The following PXDNL variants were observed in gnomAD, a reference collection of about 807,000 sequenced individuals.
PXDNL encodes peroxidasin like, also known as probable oxidoreductase PXDNL.
PXDNL carries 145 observed loss-of-function variants against 150.8 expected under a neutral mutation model. The observed-to-expected ratio is 0.96, with a 90% CI of 0.84 to 1.10. The LOEUF is 1.10. PXDNL is among the 50% of genes least tolerant of loss of function. The probability of loss-of-function intolerance (pLI) is 0.00; values close to 1 mark genes in which losing one functional copy is unlikely to be tolerated. For synonymous variants in PXDNL, 757 were observed against 725.7 expected, an observed-to-expected ratio of 1.04 and a Z score of -0.69; for missense variants, 2,087 against 1,873.9, an observed-to-expected ratio of 1.11 and a Z score of -2.10.
chr8:51,422,820 A>G (rs897959646), intron 14 of PXDNL, among the ~76,000 whole-genome samples: 3 of 152,140 alleles, frequency 2.0e-5, no homozygotes, highest in African/African-American at 7.2e-5. Flanking sequence ...CTTTCCTTCA[A>G]TGCCTCTCCG....
chr8:51,453,368 ACAGATTAGCTTTGAAAAT>A, intron 10 of PXDNL, 133 bp downstream of exon 10: 1 of 891,650 alleles, frequency 1.1e-6, no homozygotes, highest in Non-Finnish European at 1.7e-6. Flanking sequence ...TTAACTTGAA[ACAGATTAGCTTTGAAAAT>A]CTTATTGTGT....
intron 1 of PXDNL, among the ~76,000 whole-genome samples, chr8:51,675,449 T>C (rs1369945244): frequency 6.6e-6 from 1 of 152,074 alleles, no homozygotes. Context: ...CTACCAGCCC[T>C]TTGATCTCAG....
intron 17 of PXDNL, among the ~76,000 whole-genome samples, chr8:51,394,677 G>C (rs563579224): frequency 3.3e-5 from 5 of 152,232 alleles, no homozygotes; most frequent in East Asian, 3.9e-4. Flanking sequence ...AAGAACAACG[G>C]CCAGCCTGCA....
chr8:51,737,187 T>C (rs1394229915), intron 1 of PXDNL, among the ~76,000 whole-genome samples: 2 of 152,218 alleles, frequency 1.3e-5, no homozygotes, highest in Non-Finnish European at 2.9e-5. Context: ...ATTTCTCTCA[T>C]TTGAAAAAGA....
intron 12 of PXDNL, among the ~76,000 whole-genome samples, chr8:51,439,153 A>G (rs2129866010): frequency 6.6e-6 from 1 of 152,272 alleles, no homozygotes; most frequent in African/African-American, 2.4e-5. Context: ...ACAGAATAGA[A>G]GAAAATCTTT....
chr8:51,321,807 G>C (rs1180698121), intron 21 of PXDNL, among the ~76,000 whole-genome samples: 1 of 152,144 alleles, frequency 6.6e-6, no homozygotes, highest in African/African-American at 2.4e-5. Context: ...AGCAGTGTGA[G>C]AATGAACTAA....
At chr8:51,779,063 C>A (rs1398891824) in intron 1 of PXDNL, among the ~76,000 whole-genome samples, 2 of 152,052 alleles carry the variant, frequency 1.3e-5, no homozygotes, top group Non-Finnish European at 2.9e-5. Flanking sequence ...CCACTGATAA[C>A]CATAAACAAA....
At chr8:51,373,131 T>C (rs73579637) in intron 18 of PXDNL, among the ~76,000 whole-genome samples, 5,696 of 152,210 alleles carry the variant, frequency 0.037, 355 homozygotes, top group African/African-American at 0.13. Context: ...GGCCTTTACA[T>C]AGGTATTTAA....
At chr8:51,322,765 C>A (rs1227673762) in intron 21 of PXDNL, among the ~76,000 whole-genome samples, 1 of 152,170 alleles carries the variant, frequency 6.6e-6, no homozygotes, top group Admixed American at 6.5e-5. Flanking sequence ...AATTTTGATT[C>A]TGTAAATTCT....
In PXDNL at chr8:51,453,574, A is replaced by C; in HGVS notation, c.1194T>G (p.Cys398Trp). The part of the protein sequence containing the change: ...ITQRDHGRFT[C>W]HANNSHGTVQ... ...CAGTGCCGTGGCTATTGTTGGCATG[A>C]CAGGTAAATCGACCATGATCCCGTT... The change falls in exon 10 of 23, where the codon TGT becomes TGG. Residue 398 changes from cysteine to tryptophan, a missense_variant. Coordinates refer to ENST00000356297, the MANE Select transcript of PXDNL (RefSeq NM_144651.5). The C allele has an allele frequency of 1.2e-6, 2 of 1,614,044 alleles. No homozygotes were observed. Among genetic ancestry groups the C allele is most frequent in the Non-Finnish European group, 8.5e-7 (1 of 1,179,902 alleles).
At chr8:51,554,770 A>G (rs1331498432) in intron 4 of PXDNL, among the ~76,000 whole-genome samples, 2 of 152,164 alleles carry the variant, frequency 1.3e-5, no homozygotes, top group African/African-American at 4.8e-5. Context: ...CCAAGACCCC[A>G]TCAGAATTGC....
rs80056520 is a variant in PXDNL, at chr8:51,554,243, G to A, written c.380+2597C>T. On this transcript the variant is annotated intron_variant, in intron 4 of 22. Coordinates refer to ENST00000356297, the MANE Select transcript of PXDNL (RefSeq NM_144651.5). The stretch of plus-strand genomic sequence containing the variant: ...TGAGATGACCAAGGAGCACTGTTTG[G>A]GAATTTGGGGGGCAGAGACTTAAGG... Among the ~76,000 whole-genome samples the A allele has an allele frequency of 8.7e-3, 1,318 of 152,242 alleles. 39 individuals carry two copies. Among genetic ancestry groups the A allele is most frequent in the East Asian group, 0.078 (404 of 5,162 alleles).
chr8:51,543,804 C>G (rs538326315), intron 4 of PXDNL, among the ~76,000 whole-genome samples: 5 of 151,026 alleles, frequency 3.3e-5, no homozygotes, highest in Non-Finnish European at 7.4e-5. Context: ...AGGAACATGG[C>G]TAGAAGATAC....
intron 19 of PXDNL, among the ~76,000 whole-genome samples, chr8:51,360,728 C>T (rs187205310): frequency 1.7e-4 from 26 of 152,336 alleles, no homozygotes; most frequent in Middle Eastern, 3.4e-3. Flanking sequence ...TTGTGTCAAT[C>T]GCTAAGTTTT....
At chr8:51,745,007 AAAGG>A (rs1404357379) in intron 1 of PXDNL, among the ~76,000 whole-genome samples, 9 of 114,846 alleles carry the variant, frequency 7.8e-5, no homozygotes, top group African/African-American at 2.1e-4. Flanking sequence ...GGAGGGAAGA[AAAGG>A]AAGGAAGAAA....
intron 2 of PXDNL, among the ~76,000 whole-genome samples, chr8:51,637,887 G>T (rs1814642358): frequency 6.6e-6 from 1 of 152,112 alleles, no homozygotes; most frequent in Non-Finnish European, 1.5e-5. Context: ...GCAACTCCAA[G>T]ACATATAATT....
intron 22 of PXDNL, among the ~76,000 whole-genome samples, chr8:51,320,392 T>C (rs954849484): frequency 6.6e-6 from 1 of 152,218 alleles, no homozygotes; most frequent in Admixed American, 6.5e-5. Flanking sequence ...TGATAACACT[T>C]TTTTATTTTT....
At chr8:51,772,586 G>T (rs1010350021) in intron 1 of PXDNL, among the ~76,000 whole-genome samples, 1 of 152,142 alleles carries the variant, frequency 6.6e-6, no homozygotes, top group Non-Finnish European at 1.5e-5. Flanking sequence ...GGGGGAATTC[G>T]TTCAGAGCAG....
intron 3 of PXDNL, among the ~76,000 whole-genome samples, chr8:51,586,221 G>C (rs1813318594): frequency 6.6e-6 from 1 of 152,180 alleles, no homozygotes; most frequent in African/African-American, 2.4e-5. Context: ...CTAGGGATAA[G>C]ATCATTGTGT....
Sources: gnomAD v4.1 joint callset for allele counts (sites outside exome capture counted in the v4.1 genomes callset) on GRCh38, gnomAD v4.1.1 for gene constraint, MANE v1.5 for transcripts, NCBI Gene and HGNC (gene_info 2026-07-23, HGNC 2026-07-21) for gene names.